Variants in FBXL7 observed in about 807,000 individuals in gnomAD.
FBXL7 encodes the protein F-box/LRR-repeat protein 7.
Under a neutral mutation model 38.3 loss-of-function variants are expected in FBXL7, and 12 were observed. That is an observed-to-expected ratio of 0.31 (90% CI 0.20 to 0.51). The LOEUF is 0.51. Among genes scored for constraint, FBXL7 ranks in the 20% least tolerant of loss-of-function variants. The pLI is 0.98. For synonymous variants in FBXL7, 297 were observed against 300.9 expected (o/e 0.99, Z 0.13); for missense variants, 567 against 676.4 (o/e 0.84, Z 1.79).
chr5:15,793,149 C>CT (rs1221589396), intron 2 of FBXL7, among the ~76,000 whole-genome samples: 1 of 152,158 alleles, frequency 6.6e-6, no homozygotes, highest in African/African-American at 2.4e-5. Flanking sequence ...CATGTTGTAG[C>CT]TGGAAGTCCT....
At chr5:15,667,734 C>A (rs914847272) in intron 2 of FBXL7, among the ~76,000 whole-genome samples, 1 of 152,148 alleles carries the variant, frequency 6.6e-6, no homozygotes. Context: ...TAAAATCTTG[C>A]TGGGTTTTCA....
chr5:15,721,701 A>C (rs1157508151), intron 2 of FBXL7, among the ~76,000 whole-genome samples: 1 of 151,904 alleles, frequency 6.6e-6, no homozygotes, highest in East Asian at 1.9e-4. Flanking sequence ...TTATAGTTTA[A>C]CTTCTCAAAA....
intron 2 of FBXL7, among the ~76,000 whole-genome samples, chr5:15,742,532 AAGGC>A (rs1268903809): frequency 2.6e-5 from 4 of 152,226 alleles, no homozygotes; most frequent in African/African-American, 9.6e-5. Flanking sequence ...ATGAGCGAGC[AAGGC>A]TAAAGATGCT....
intron 1 of FBXL7, chr5:15,607,456 T>G (rs1243576816): frequency 6.6e-6 from 1 of 152,214 alleles, no homozygotes; most frequent in Non-Finnish European, 1.5e-5. Flanking sequence ...TTTATCTTGC[T>G]TGTGTCATAA....
chr5:15,522,634 T>G (rs1737132337), intron 1 of FBXL7, among the ~76,000 whole-genome samples: 1 of 152,240 alleles, frequency 6.6e-6, no homozygotes, highest in Non-Finnish European at 1.5e-5. Context: ...GCCTGATTGC[T>G]GCTGGCTGTG....
At chr5:15,886,600 C>G (rs1740688381) in intron 2 of FBXL7, among the ~76,000 whole-genome samples, 1 of 152,154 alleles carries the variant, frequency 6.6e-6, no homozygotes, top group South Asian at 2.1e-4. Context: ...TTTCAGTTAT[C>G]CCTACTTGGC....
At chr5:15,891,082 A>G (rs375644851) in intron 2 of FBXL7, among the ~76,000 whole-genome samples, 1 of 152,148 alleles carries the variant, frequency 6.6e-6, no homozygotes, top group Non-Finnish European at 1.5e-5. Context: ...GCCATAACCT[A>G]TTACCATTTA....
At chr5:15,785,057 A>G (rs1243251109) in intron 2 of FBXL7, among the ~76,000 whole-genome samples, 1 of 152,210 alleles carries the variant, frequency 6.6e-6, no homozygotes, top group Non-Finnish European at 1.5e-5. Context: ...CTAGGGCATG[A>G]TGAGCCAAAC....
chr5:15,657,840 A>AT (rs1741931919), intron 2 of FBXL7, among the ~76,000 whole-genome samples: 1 of 132,572 alleles, frequency 7.5e-6, no homozygotes, highest in South Asian at 2.4e-4. Context: ...CTTTGTCTAA[A>AT]TTAAAAAAAA....
intron 2 of FBXL7, among the ~76,000 whole-genome samples, chr5:15,769,752 G>A (rs544052348): frequency 6.7e-6 from 1 of 148,240 alleles, no homozygotes; most frequent in Non-Finnish European, 1.5e-5. Context: ...AAAAAACACT[G>A]GTGAGCAGTT....
intron 2 of FBXL7, among the ~76,000 whole-genome samples, chr5:15,840,910 G>T (rs1358605084): frequency 6.7e-6 from 1 of 148,216 alleles, no homozygotes; most frequent in Admixed American, 6.7e-5. Flanking sequence ...TTTTGATATA[G>T]ATACTCATAG....
At chr5:15,574,339 G>C (rs529210030) in intron 1 of FBXL7, among the ~76,000 whole-genome samples, 1 of 152,126 alleles carries the variant, frequency 6.6e-6, no homozygotes, top group Non-Finnish European at 1.5e-5. Flanking sequence ...TAATTTACCA[G>C]GTTCTATAAA....
At chr5:15,611,205 C>A (rs116090886) in intron 1 of FBXL7, among the ~76,000 whole-genome samples, 1 of 152,016 alleles carries the variant, frequency 6.6e-6, no homozygotes, top group Admixed American at 6.6e-5. Flanking sequence ...ATTTGGGTTG[C>A]GCAACACACA....
At chr5:15,531,448 ACT>A (rs1463294184) in intron 1 of FBXL7, among the ~76,000 whole-genome samples, 1 of 152,240 alleles carries the variant, frequency 6.6e-6, no homozygotes, top group African/African-American at 2.4e-5. Context: ...ATGAAAGACA[ACT>A]CTAAAATTTA....
intron 1 of FBXL7, among the ~76,000 whole-genome samples, chr5:15,561,934 A>G (rs1738425869): frequency 6.6e-6 from 1 of 152,188 alleles, no homozygotes; most frequent in Non-Finnish European, 1.5e-5. Flanking sequence ...AAAAGCACAT[A>G]CATAAGCCAA....
At chr5:15,585,808 CAT>C (rs2095515281) in intron 1 of FBXL7, among the ~76,000 whole-genome samples, 1 of 152,214 alleles carries the variant, frequency 6.6e-6, no homozygotes, top group Non-Finnish European at 1.5e-5. Context: ...ATGCATTACA[CAT>C]GAGCATGTAT....
At chr5:15,588,459 T>C (rs948081403) in intron 1 of FBXL7, among the ~76,000 whole-genome samples, 11 of 150,010 alleles carry the variant, frequency 7.3e-5, no homozygotes, top group African/African-American at 2.7e-4. Context: ...CGATCTCGGG[T>C]CACTGCAACC....
intron 2 of FBXL7, among the ~76,000 whole-genome samples, chr5:15,695,012 C>G (rs1259748475): frequency 3.3e-5 from 5 of 152,152 alleles, no homozygotes; most frequent in Non-Finnish European, 7.3e-5. Context: ...TAAGCATAGG[C>G]AACAGACCTG....
intron 1 of FBXL7, among the ~76,000 whole-genome samples, chr5:15,575,305 C>A (rs1738921407): frequency 6.6e-6 from 1 of 152,088 alleles, no homozygotes; most frequent in South Asian, 2.1e-4. Flanking sequence ...TTTTTGTGGA[C>A]TTATTTATTT....
Sources: allele counts gnomAD v4.1 joint callset (sites outside exome capture counted in the v4.1 genomes callset), GRCh38; gene constraint gnomAD v4.1.1; transcripts MANE v1.5; gene names NCBI Gene and HGNC (gene_info 2026-07-23, HGNC 2026-07-21).